The following BMP5 variants were observed in gnomAD, a reference collection of about 807,000 sequenced individuals.
BMP5 encodes bone morphogenetic protein 5.
A neutral mutation model predicts 46.6 loss-of-function variants in BMP5; 23 were observed. The ratio of observed to expected loss-of-function variants is 0.49; its 90% CI spans 0.35 to 0.70. The LOEUF (loss-of-function observed/expected upper bound fraction) is 0.70, where lower values mean the gene tolerates loss of function less well. BMP5 is among the 30% of genes least tolerant of loss of function. The pLI is 0.00. For missense variants in BMP5, 545 were observed against 565.6 expected, an observed-to-expected ratio of 0.96 and a Z score of 0.37; for synonymous variants, 204 against 191.9, an observed-to-expected ratio of 1.06 and a Z score of -0.52.
intron 3 of BMP5, among the ~76,000 whole-genome samples, chr6:55,777,374 T>C (rs1775202099): frequency 6.6e-6 from 1 of 152,030 alleles, no homozygotes; most frequent in South Asian, 2.1e-4. Context: ...TGAAGAAGCC[T>C]ACCTAAAGCA....
chr6:55,787,467 A>T (rs980188896), intron 3 of BMP5, among the ~76,000 whole-genome samples: 3 of 151,706 alleles, frequency 2.0e-5, no homozygotes, highest in African/African-American at 7.2e-5. Context: ...AATTCAAAAG[A>T]TGTGGCAATT....
At position 55,756,313 on chromosome 6, in the gene BMP5, C is replaced by T. The variant is rs117994151; in HGVS notation, c.1216-631G>A. 4.8e-4 allele frequency among the ~76,000 whole-genome samples: 73 copies of T among 151,920 alleles called. No homozygotes were observed. The East Asian group carries it at 0.013, about 28-fold the overall frequency. ...TTTACTTTTTTTCTCCCTTGCCTGC[C>T]CCCTAGACAAGTGCCAAAAAGCAGG... On this transcript the variant is annotated intron_variant, in intron 6 of 6. Coordinates refer to ENST00000370830, the MANE Select transcript of BMP5 (RefSeq NM_021073.4).
intron 6 of BMP5, among the ~76,000 whole-genome samples, chr6:55,757,877 TTTA>T (rs771652403): frequency 3.3e-5 from 5 of 151,986 alleles, no homozygotes; most frequent in Non-Finnish European, 7.4e-5. Flanking sequence ...TCTGTCGTAT[TTTA>T]TTAAGTCAAT....
intron 1 of BMP5, among the ~76,000 whole-genome samples, chr6:55,861,684 C>T (rs1163462613): frequency 6.6e-6 from 1 of 152,202 alleles, no homozygotes; most frequent in Admixed American, 6.5e-5. Context: ...AGGGAGTAGA[C>T]TCTTGGTAAA....
chr6:55,780,385 C>T (rs1298639131), intron 3 of BMP5, among the ~76,000 whole-genome samples: 1 of 143,364 alleles, frequency 7.0e-6, no homozygotes, highest in South Asian at 2.2e-4. Context: ...CTTTGGGAGG[C>T]CAAGGTGGGC....
At chr6:55,766,241 GA>G (rs1774913827) in intron 4 of BMP5, among the ~76,000 whole-genome samples, 1 of 151,936 alleles carries the variant, frequency 6.6e-6, no homozygotes, top group African/African-American at 2.4e-5. Context: ...GCTCCTCTTT[GA>G]CATCTCTGAT....
At chr6:55,800,564 A>G (rs1775823925) in intron 2 of BMP5, among the ~76,000 whole-genome samples, 1 of 152,158 alleles carries the variant, frequency 6.6e-6, no homozygotes, top group Admixed American at 6.5e-5. Flanking sequence ...GCCTAGTAGC[A>G]CACCAGGCAT....
At chr6:55,853,554 T>C (rs1232455780) in intron 1 of BMP5, among the ~76,000 whole-genome samples, 5 of 152,304 alleles carry the variant, frequency 3.3e-5, no homozygotes, top group African/African-American at 7.2e-5. Flanking sequence ...CTGCTTTTTA[T>C]TATCCCCATG....
At chr6:55,847,505 A>T (rs1259736907) in intron 1 of BMP5, among the ~76,000 whole-genome samples, 2 of 152,084 alleles carry the variant, frequency 1.3e-5, no homozygotes, top group Admixed American at 6.6e-5. Flanking sequence ...ATACAATTGC[A>T]TTACCGTTAG....
At chr6:55,833,310 G>T (rs1038013984) in intron 1 of BMP5, among the ~76,000 whole-genome samples, 1 of 152,096 alleles carries the variant, frequency 6.6e-6, no homozygotes, top group African/African-American at 2.4e-5. Context: ...TTAAAGTTCT[G>T]CTTCATTTTC....
chr6:55,788,182 A>G (rs1775493617), intron 3 of BMP5, among the ~76,000 whole-genome samples: 1 of 151,686 alleles, frequency 6.6e-6, no homozygotes, highest in Admixed American at 6.6e-5. Context: ...AATGTTGGCC[A>G]GCCTTTAATA....
chr6:55,796,978 T>C (rs1775730025), intron 2 of BMP5, among the ~76,000 whole-genome samples: 1 of 152,176 alleles, frequency 6.6e-6, no homozygotes, highest in Non-Finnish European at 1.5e-5. Flanking sequence ...CAGTTTTCTA[T>C]TAATGGTCAA....
intron 1 of BMP5, among the ~76,000 whole-genome samples, chr6:55,862,690 A>G (rs1777549993): frequency 6.6e-6 from 1 of 152,202 alleles, no homozygotes; most frequent in Admixed American, 6.5e-5. Flanking sequence ...TACAATTAGC[A>G]TCCAGTGTAA....
At chr6:55,862,570 T>C (rs911869450) in intron 1 of BMP5, among the ~76,000 whole-genome samples, 4 of 152,152 alleles carry the variant, frequency 2.6e-5, no homozygotes, top group Non-Finnish European at 4.4e-5. Flanking sequence ...AGAGGTAAGA[T>C]TTAGACAGCT....
At chr6:55,779,034 C>T (rs1302419085) in intron 3 of BMP5, among the ~76,000 whole-genome samples, 1 of 152,032 alleles carries the variant, frequency 6.6e-6, no homozygotes, top group Non-Finnish European at 1.5e-5. Flanking sequence ...CAGACCACTC[C>T]TTTTGGAAAA....
rs1774515324 is a variant in BMP5, at chr6:55,753,879, G to T, written c.*1654C>A. On this transcript the variant is annotated 3_prime_UTR_variant, in exon 7 of 7. Coordinates refer to ENST00000370830, the MANE Select transcript of BMP5 (RefSeq NM_021073.4). ...TCTGTTTAATATATTTTAAAATATG[G>T]AAATATATTTAAACAGCACATTTAA... The T allele has an allele frequency of 6.6e-6, 1 of 151,766 alleles. No individual in the cohort carries two copies. Among genetic ancestry groups the T allele is most frequent in the Non-Finnish European group, 1.5e-5 (1 of 67,884 alleles). The allele number at this position is 151,766 out of a possible 1,614,324, so 9.4% of individuals were successfully genotyped here.
At chr6:55,849,748 C>T (rs1031488378) in intron 1 of BMP5, among the ~76,000 whole-genome samples, 1 of 151,888 alleles carries the variant, frequency 6.6e-6, no homozygotes, top group Non-Finnish European at 1.5e-5. Context: ...ATTTAGAACA[C>T]CCTCACACCC....
At chr6:55,831,316 A>C (rs2127542250) in intron 1 of BMP5, among the ~76,000 whole-genome samples, 1 of 152,286 alleles carries the variant, frequency 6.6e-6, no homozygotes, top group South Asian at 2.1e-4. Context: ...CTATTAAATA[A>C]GCACAGACAA....
chr6:55,871,339 G>GT (rs1429946456), intron 1 of BMP5, among the ~76,000 whole-genome samples: 1 of 151,830 alleles, frequency 6.6e-6, no homozygotes, highest in Admixed American at 6.6e-5. Context: ...AATTCAATCT[G>GT]TAAAATTTAA....
Sources: gnomAD v4.1 joint callset for allele counts (sites outside exome capture counted in the v4.1 genomes callset) on GRCh38, gnomAD v4.1.1 for gene constraint, MANE v1.5 for transcripts, NCBI Gene and HGNC (gene_info 2026-07-23, HGNC 2026-07-21) for gene names.